Variants in FUBP1 observed in about 807,000 individuals in gnomAD.
FUBP1 encodes the protein far upstream element-binding protein 1.
In FUBP1, 16 loss-of-function variants were observed where a neutral mutation model predicts 94.9. That is an observed-to-expected ratio of 0.17 (90% CI 0.11 to 0.26). FUBP1 has a LOEUF of 0.26. Among genes scored for constraint, FUBP1 ranks in the 10% least tolerant of loss-of-function variants. FUBP1 has a pLI of 1.00. For missense variants in FUBP1, 583 were observed against 808.6 expected, an observed-to-expected ratio of 0.72 and a Z score of 3.38; for synonymous variants, 279 against 254.9, an observed-to-expected ratio of 1.09 and a Z score of -0.90.
In FUBP1 at chr1:77,955,311, G is replaced by A. The variant is rs1654244729; in HGVS notation, c.1724C>T (p.Ala575Val). ...GGTATAATCAACCTGTCCAGCTGGG[G>A]CTGGATTCTGCTGATCTCCTTGTTC... is the stretch of plus-strand genomic sequence containing the variant. ...TNGQGDQQNP[A>V]PAGQVDYTKA... The change falls in exon 18 of 20, where the codon GCC (alanine) becomes GTC (valine). Residue 575 changes from alanine (A) to valine (V), a missense_variant. Ala to Val is a moderately conservative substitution (Grantham distance 64). Transcript: ENST00000370768. 3 of 1,571,750 alleles carry A rather than the reference G, an allele frequency of 1.9e-6. No individual in the cohort carries two copies. The highest frequency in any genetic ancestry group is 2.6e-6 in the Non-Finnish European group (3 of 1,141,586).
In FUBP1 at chr1:77,979,065, A is replaced by G. The variant is rs1659341656; in HGVS notation, c.-61T>C. 33 of 1,484,234 alleles carry G rather than the reference A, an allele frequency of 2.2e-5. No homozygotes were observed. The highest frequency in any genetic ancestry group is 3.0e-5 in the Non-Finnish European group (33 of 1,106,624). 91.9% of individuals were successfully genotyped at this position (1,484,234 alleles called of 1,614,324 possible). ...GACTTCCTCTCAGCTAACAGCTAAG[A>G]AAGAAAGAAAATGGCGGCCGTCGAA... On this transcript the variant is annotated 5_prime_UTR_variant, in exon 1 of 20. Transcript: ENST00000370768.
At chr1:77,954,989 T>C (rs1232829113) in intron 18 of FUBP1, among the ~76,000 whole-genome samples, 1 of 152,212 alleles carries the variant, frequency 6.6e-6, no homozygotes, top group Admixed American at 6.5e-5. Context: ...TGATAATATA[T>C]ATAACTGTCA....
Position 77,963,222 on chromosome 1 carries a change from T to C in FUBP1, c.1184-292A>G, listed in dbSNP as rs151209474. 2.2e-3 allele frequency among the ~76,000 whole-genome samples: 340 copies of C among 152,316 alleles called. 1 individual carries two copies. The highest frequency in any genetic ancestry group is 7.9e-3 in the African/African-American group (328 of 41,588). ...TAACTGCTTTTAAAAGCAGTGTAAA[T>C]ATAAACTAATACACTTATAAACATT... On this transcript the variant is annotated intron_variant, in intron 13 of 19. Transcript: ENST00000370768.
At chr1:77,960,772 A>T in intron 14 of FUBP1, 1 of 315,156 alleles carries the variant, frequency 3.2e-6, no homozygotes, top group South Asian at 4.1e-5. Flanking sequence ...TTGTTTGCGG[A>T]CAGCAGTAGT....
chr1:77,962,131 C>T lies in FUBP1; in HGVS notation c.1344+639G>A, dbSNP rs189522435. Among the ~76,000 whole-genome samples the T allele has an allele frequency of 1.5e-4, 23 of 152,276 alleles. No individual in the cohort carries two copies. In the East Asian group the frequency reaches 3.7e-3, roughly 24 times the overall value. The stretch of plus-strand genomic sequence containing the variant: ...CTCACTTACAAAAAAGCAGTCAAAG[C>T]GTTTCATACTTTTTTGTTCTAACAG... On this transcript the variant is annotated intron_variant, in intron 14 of 19. Coordinates refer to ENST00000370768, the MANE Select transcript of FUBP1 (RefSeq NM_003902.5).
chr1:77,970,171 T>C (rs1202426939), intron 1 of FUBP1, among the ~76,000 whole-genome samples, 156 bp from the exon 2 acceptor site: 1 of 152,234 alleles, frequency 6.6e-6, no homozygotes, highest in African/African-American at 2.4e-5. Context: ...AATTTATTGC[T>C]ACCATTAATA....
rs941172165 is a variant in FUBP1 at position 77,944,648 on chromosome 1, A to G, written c.*4118T>C. 6.6e-6 allele frequency among the ~76,000 whole-genome samples: 1 copy of G among 151,894 alleles called. No homozygotes were observed. The highest frequency in any genetic ancestry group is 1.5e-5 in the Non-Finnish European group (1 of 67,842). ...ACAGATAACTTTCTAAGTACAGCTG[A>G]TTTTACTGGCAGAGTATTCAAACAA... is the stretch of plus-strand genomic sequence containing the variant. On this transcript the variant is annotated 3_prime_UTR_variant, in exon 20 of 20. Coordinates refer to ENST00000370768, the MANE Select transcript of FUBP1 (RefSeq NM_003902.5).
chr1:77,974,560 T>C (rs1377557176), intron 1 of FUBP1, among the ~76,000 whole-genome samples: 2 of 152,194 alleles, frequency 1.3e-5, no homozygotes, highest in Admixed American at 6.5e-5. Flanking sequence ...TGAGCCACCT[T>C]GGCTAGCTGA....
Position 77,965,159 on chromosome 1 carries a change from T to C in FUBP1, c.546A>G (p.Gly182=). ...RPAPGFHHGD[G]PGNAVQEIMI... Reference sequence around the variant, plus strand: ...TGATTTCTTGAACTGCATTTCCCGGTCCATCGCCATGATGGAAGCCAGGAG... The same window carrying C: ...TGATTTCTTGAACTGCATTTCCCGGCCCATCGCCATGATGGAAGCCAGGAG... Residue 182 remains glycine (G), a synonymous_variant, in exon 8 of 20, where the codon GGA becomes GGG. Transcript: ENST00000370768. 1.2e-6 allele frequency: 2 copies of C among 1,612,340 alleles called. No homozygotes were observed. Among genetic ancestry groups the C allele is most frequent in the Non-Finnish European group, 1.7e-6 (2 of 1,178,450 alleles).
chr1:77,949,059 A>G (rs1208438755), intron 19 of FUBP1, 96 bp downstream of exon 19: 2 of 1,205,316 alleles, frequency 1.7e-6, no homozygotes, highest in Non-Finnish European at 2.4e-6. Flanking sequence ...TTTGCCAGAT[A>G]AAAATTTAAA....
chr1:77,951,006 T>TA (rs1653365711), intron 18 of FUBP1, among the ~76,000 whole-genome samples: 1 of 152,134 alleles, frequency 6.6e-6, no homozygotes. Flanking sequence ...AAAGAGGAAG[T>TA]AAGTTTAACA....
chr1:77,950,463 G>C (rs1653208147), intron 18 of FUBP1, among the ~76,000 whole-genome samples: 1 of 152,138 alleles, frequency 6.6e-6, no homozygotes, highest in Non-Finnish European at 1.5e-5. Flanking sequence ...CCCAGACATT[G>C]AGTTTATTTA....
Position 77,956,740 on chromosome 1 carries a change from G to C in FUBP1, c.1577-40C>G, listed in dbSNP as rs115559551. ...AGTTCAAGGTTTGCATGTGAAGTCT[G>C]TAATTCTCTCTCACACACACACACA... On this transcript the variant is annotated intron_variant, in intron 16 of 19. Transcript: ENST00000370768. 5.5e-4 allele frequency: 863 copies of C among 1,563,948 alleles called. 9 individuals carry two copies. The African/African-American group carries it at 0.01, about 18-fold the overall frequency.
chr1:77,955,584 T>C (rs1654292766), intron 17 of FUBP1: 1 of 370,610 alleles, frequency 2.7e-6, no homozygotes, highest in African/African-American at 2.1e-5. Context: ...GCATGTCAAA[T>C]AAGGAAATAC....
intron 16 of FUBP1, among the ~76,000 whole-genome samples, chr1:77,956,924 G>A (rs1187409825): frequency 6.6e-6 from 1 of 152,078 alleles, no homozygotes; most frequent in Non-Finnish European, 1.5e-5. Flanking sequence ...ACTTTCCTAG[G>A]TTAAAAACTA....
chr1:77,975,279 C>T (rs925428853), intron 1 of FUBP1, among the ~76,000 whole-genome samples: 2 of 152,224 alleles, frequency 1.3e-5, no homozygotes, highest in South Asian at 2.1e-4. Flanking sequence ...ATACACCAGA[C>T]ATGTGAAGAA....
Position 77,978,872 on chromosome 1 carries a change from G to A in FUBP1, c.120+13C>T, listed in dbSNP as rs774791637. The stretch of plus-strand genomic sequence containing the variant: ...GTGAGCTTTCGGGATTCCGCCGCGC[G>A]GTCCACACTTACCTGCCGGGCTCTC... On this transcript the variant is annotated intron_variant, in intron 1 of 19. Coordinates refer to ENST00000370768, the MANE Select transcript of FUBP1 (RefSeq NM_003902.5). 1 of 1,613,670 alleles carries A rather than the reference G, an allele frequency of 6.2e-7. No homozygotes were observed. Among genetic ancestry groups the A allele is most frequent in the African/African-American group, 1.3e-5 (1 of 74,908 alleles).
chr1:77,948,951 T>C lies in FUBP1; in HGVS notation c.1927-177A>G, dbSNP rs534488914. 1,965 of 1,020,056 alleles carry C rather than the reference T, an allele frequency of 1.9e-3. 35 individuals are homozygous for C. In the South Asian group the frequency reaches 0.024, roughly 12 times the overall value. The allele number at this position is 1,020,056 out of a possible 1,614,324, so 63.2% of individuals were successfully genotyped here. ...AAATTTATTTTTAAAATCAAAGGCA[T>C]TGCAGAAATATTCACCACTCAGATG... On this transcript the variant is annotated intron_variant, in intron 19 of 19. Coordinates refer to ENST00000370768, the MANE Select transcript of FUBP1 (RefSeq NM_003902.5).
chr1:77,951,840 TA>T (rs1653531105), intron 18 of FUBP1, among the ~76,000 whole-genome samples: 1 of 152,190 alleles, frequency 6.6e-6, no homozygotes, highest in Non-Finnish European at 1.5e-5. Flanking sequence ...TCTTCCCATA[TA>T]ACTGTACCTT....
Sources: allele counts gnomAD v4.1 joint callset (sites outside exome capture counted in the v4.1 genomes callset), GRCh38; gene constraint gnomAD v4.1.1; transcripts MANE v1.5; gene names NCBI Gene and HGNC (gene_info 2026-07-23, HGNC 2026-07-21).